Variants in PCDH9 observed in about 807,000 individuals in gnomAD.
PCDH9 encodes the protein protocadherin-9.
In PCDH9, 24 loss-of-function variants were observed where a neutral mutation model predicts 70.6. The observed-to-expected ratio is 0.34, with a 90% CI of 0.25 to 0.48. PCDH9 has a LOEUF of 0.48. Ranked by LOEUF, PCDH9 falls within the 20% of genes least tolerant of loss-of-function variation. PCDH9 has a pLI of 0.99. For synonymous variants in PCDH9, 562 were observed against 558.5 expected (o/e 1.01, Z -0.09); for missense variants, 1,281 against 1,503.6 (o/e 0.85, Z 2.45).
chr13:67,101,438 A>T (rs1037688857), intron 2 of PCDH9, among the ~76,000 whole-genome samples: 14 of 152,214 alleles, frequency 9.2e-5, no homozygotes, highest in Non-Finnish European at 1.3e-4. Context: ...AAAAATTCCA[A>T]AGTAGGTTGC....
intron 4 of PCDH9, among the ~76,000 whole-genome samples, chr13:66,568,715 G>A (rs1230199002): frequency 6.6e-6 from 1 of 151,496 alleles, no homozygotes; most frequent in East Asian, 1.9e-4. Context: ...GGGATCAGGA[G>A]TAATCCAGAT....
At chr13:66,373,390 G>A (rs756878872) in intron 4 of PCDH9, among the ~76,000 whole-genome samples, 1 of 151,886 alleles carries the variant, frequency 6.6e-6, no homozygotes, top group Non-Finnish European at 1.5e-5. Context: ...TTTCAATTTT[G>A]CAAGCTGAAA....
chr13:66,915,170 C>A (rs1264535236), intron 2 of PCDH9: 1 of 151,062 alleles, frequency 6.6e-6, no homozygotes, highest in East Asian at 1.9e-4. Flanking sequence ...TAATAGCAAT[C>A]CACTTTGAAA....
chr13:66,755,246 A>T (rs2079522220), intron 3 of PCDH9, among the ~76,000 whole-genome samples: 1 of 152,208 alleles, frequency 6.6e-6, no homozygotes, highest in South Asian at 2.1e-4. Context: ...GGCAGATATT[A>T]TTCCTTTTCT....
intron 2 of PCDH9, among the ~76,000 whole-genome samples, chr13:67,129,106 G>A (rs1382294375): frequency 2.0e-5 from 3 of 151,994 alleles, no homozygotes; most frequent in Admixed American, 6.6e-5. Context: ...ACTACTTATC[G>A]GCATTCTTGT....
chr13:66,804,610 T>A (rs373616502), intron 3 of PCDH9, among the ~76,000 whole-genome samples: 1 of 152,174 alleles, frequency 6.6e-6, no homozygotes, highest in East Asian at 1.9e-4. Flanking sequence ...GCCCAATTAC[T>A]GTTCAAAGGA....
chr13:66,530,797 T>C (rs913838540), intron 4 of PCDH9, among the ~76,000 whole-genome samples: 4 of 152,110 alleles, frequency 2.6e-5, no homozygotes, highest in Admixed American at 2.0e-4. Context: ...TTGGTTGCAT[T>C]ATAATTGCGA....
At chr13:67,082,676 TTA>T (rs978622941) in intron 2 of PCDH9, among the ~76,000 whole-genome samples, 43 of 152,294 alleles carry the variant, frequency 2.8e-4, no homozygotes, top group African/African-American at 1.0e-3. Context: ...TCTCTTTATA[TTA>T]TGTTATCCCT....
At chr13:66,361,044 G>T (rs1344575545) in intron 4 of PCDH9, among the ~76,000 whole-genome samples, 1 of 152,044 alleles carries the variant, frequency 6.6e-6, no homozygotes, top group Non-Finnish European at 1.5e-5. Flanking sequence ...CCCAATGTTG[G>T]ATAGCTGATG....
intron 3 of PCDH9, among the ~76,000 whole-genome samples, chr13:66,779,849 C>CTATA (rs1185055569): frequency 0.012 from 908 of 78,872 alleles, 9 homozygotes; most frequent in South Asian, 0.023. Flanking sequence ...CTCTCTCTCT[C>CTATA]TATATATATA....
intron 3 of PCDH9, among the ~76,000 whole-genome samples, chr13:66,683,080 T>A (rs909150167): frequency 2.0e-5 from 3 of 152,180 alleles, no homozygotes; most frequent in Admixed American, 2.0e-4. Flanking sequence ...GCAGCGGCAG[T>A]TGTCATTTAA....
chr13:66,663,954 G>C (rs1374630696), intron 3 of PCDH9, among the ~76,000 whole-genome samples: 1 of 152,172 alleles, frequency 6.6e-6, no homozygotes, highest in Non-Finnish European at 1.5e-5. Context: ...GTAGCTTCTT[G>C]CTTGGCTGAG....
At chr13:66,492,440 T>TTATATATAATAAA (rs1321155865) in intron 4 of PCDH9, among the ~76,000 whole-genome samples, 1 of 148,116 alleles carries the variant, frequency 6.8e-6, no homozygotes, top group Non-Finnish European at 1.5e-5. Flanking sequence ...ATGTTTATAT[T>TTATATATAATAAA]TATATATAAT....
At chr13:66,438,587 C>T (rs1957919796) in intron 4 of PCDH9, among the ~76,000 whole-genome samples, 1 of 152,172 alleles carries the variant, frequency 6.6e-6, no homozygotes. Flanking sequence ...TCTCCCTTGT[C>T]GTTGGATAGC....
chr13:66,385,632 T>G lies in PCDH9; in HGVS notation c.3341-80604A>C, dbSNP rs548210899. 2.0e-5 allele frequency among the ~76,000 whole-genome samples: 3 copies of G among 152,290 alleles called. No homozygotes were observed. In the South Asian group the frequency reaches 6.2e-4, roughly 32 times the overall value. On this transcript the variant is annotated intron_variant, in intron 4 of 4. Transcript: ENST00000377865. Reference sequence around the variant, plus strand: ...GATATTTTCAATAGCCTCCCGGAACTTTTGTATTTTTTCATTATTCCTTCT... The same window carrying G: ...GATATTTTCAATAGCCTCCCGGAACGTTTGTATTTTTTCATTATTCCTTCT...
intron 2 of PCDH9, among the ~76,000 whole-genome samples, chr13:67,021,914 ATG>A (rs879682886): frequency 2.0e-5 from 3 of 151,926 alleles, no homozygotes; most frequent in Non-Finnish European, 4.4e-5. Flanking sequence ...GTGTATATAT[ATG>A]TATGTAGGTG....
At chr13:66,629,399 A>C (rs1207631742) in intron 4 of PCDH9, among the ~76,000 whole-genome samples, 16 of 152,188 alleles carry the variant, frequency 1.1e-4, no homozygotes, top group African/African-American at 3.6e-4. Context: ...AAAATTGGAG[A>C]GGGCAAAGTT....
At chr13:66,537,620 G>A (rs1272491514) in intron 4 of PCDH9, among the ~76,000 whole-genome samples, 2 of 152,014 alleles carry the variant, frequency 1.3e-5, no homozygotes, top group African/African-American at 4.8e-5. Context: ...GGGTAATGAG[G>A]TCAAGGAAAG....
intron 3 of PCDH9, among the ~76,000 whole-genome samples, chr13:66,823,375 G>A (rs2080749882): frequency 6.6e-6 from 1 of 150,638 alleles, no homozygotes; most frequent in Non-Finnish European, 1.5e-5. Flanking sequence ...GAGAGAAGAA[G>A]GTAATAAACA....
Sources: gnomAD v4.1 joint callset for allele counts (sites outside exome capture counted in the v4.1 genomes callset) on GRCh38, gnomAD v4.1.1 for gene constraint, MANE v1.5 for transcripts, NCBI Gene and HGNC (gene_info 2026-07-23, HGNC 2026-07-21) for gene names.